EPHA6: variants seen among roughly 807,000 people sequenced by gnomAD.
EPHA6 encodes ephrin type-A receptor 6.
A neutral mutation model predicts 112.0 loss-of-function variants in EPHA6; 50 were observed. The ratio of observed to expected loss-of-function variants is 0.45; its 90% CI spans 0.36 to 0.56. EPHA6 has a LOEUF of 0.56. Among genes scored for constraint, EPHA6 ranks in the 20% least tolerant of loss-of-function variants. EPHA6 has a pLI of 0.00. For missense variants in EPHA6, 1,280 were observed against 1,417.4 expected (o/e 0.90, Z 1.56); for synonymous variants, 529 against 490.7 (o/e 1.08, Z -1.03).
rs1241284917 is a variant in EPHA6, at chr3:97,147,281, C to CA, written c.1115-78982dup. 2.0e-5 allele frequency among the ~76,000 whole-genome samples: 3 copies of CA among 152,090 alleles called. No homozygotes were observed. The East Asian group carries it at 5.8e-4, about 29-fold the overall frequency. On this transcript the variant is annotated intron_variant, in intron 3 of 17. Transcript: ENST00000389672. The stretch of plus-strand genomic sequence containing the variant: ...TTGGGCACATCTAATTTTGTATAGT[C>CA]ATGAATGTCGGCCTTTGGAGGCCTT...
intron 3 of EPHA6, among the ~76,000 whole-genome samples, chr3:97,018,313 G>A (rs1041768426): frequency 6.6e-6 from 1 of 152,014 alleles, no homozygotes; most frequent in Non-Finnish European, 1.5e-5. Context: ...ACGAGAGAGT[G>A]TAGAAATAAA....
At chr3:97,281,172 G>A (rs560656150) in intron 5 of EPHA6, among the ~76,000 whole-genome samples, 16 of 151,402 alleles carry the variant, frequency 1.1e-4, no homozygotes, top group Admixed American at 2.6e-4. Context: ...AGCTATGACC[G>A]GAATTGCAAT....
At chr3:97,037,560 A>T (rs2045149384) in intron 3 of EPHA6, among the ~76,000 whole-genome samples, 1 of 152,088 alleles carries the variant, frequency 6.6e-6, no homozygotes, top group Non-Finnish European at 1.5e-5. Flanking sequence ...GTAAGATCAC[A>T]CAAGATTAAA....
At chr3:97,133,121 C>T (rs2075678374) in intron 3 of EPHA6, among the ~76,000 whole-genome samples, 1 of 152,056 alleles carries the variant, frequency 6.6e-6, no homozygotes, top group South Asian at 2.1e-4. Context: ...TGAGAATTTT[C>T]CGATGAGATA....
chr3:96,976,476 A>G (rs896764860), intron 2 of EPHA6, among the ~76,000 whole-genome samples: 1 of 152,256 alleles, frequency 6.6e-6, no homozygotes, highest in South Asian at 2.1e-4. Flanking sequence ...TGTAGAGGTG[A>G]CAAAGTACTT....
chr3:97,226,352 T>TTC lies in EPHA6; in HGVS notation c.1205_1206dup (p.Val403LeufsTer60). The TTC allele has an allele frequency of 6.2e-7, 1 of 1,613,788 alleles. No homozygotes were observed. Among genetic ancestry groups the TTC allele is most frequent in the Non-Finnish European group, 8.5e-7 (1 of 1,179,734 alleles). ...ACAGTTTAACATACATGGAAGCAAC[T>TTC]TCTGTCTGTCAGTGTGAAAAGGGTT... is the stretch of plus-strand genomic sequence containing the variant. On this transcript the variant is annotated frameshift_variant, in exon 4 of 18. Transcript: ENST00000389672. LOFTEE classifies it high-confidence loss of function.
chr3:97,645,544 T>A (rs1046571307), intron 14 of EPHA6, among the ~76,000 whole-genome samples: 2 of 143,862 alleles, frequency 1.4e-5, no homozygotes, highest in Non-Finnish European at 3.0e-5. Flanking sequence ...AGGGATAGCA[T>A]TGGGAGATAT....
chr3:97,598,140 T>A (rs1409369538), intron 12 of EPHA6, among the ~76,000 whole-genome samples: 1 of 151,866 alleles, frequency 6.6e-6, no homozygotes, highest in Non-Finnish European at 1.5e-5. Context: ...TATTTTTTAT[T>A]TTTTTTATTT....
chr3:97,090,144 G>T (rs1259667975), intron 3 of EPHA6, among the ~76,000 whole-genome samples: 1 of 151,918 alleles, frequency 6.6e-6, no homozygotes, highest in Non-Finnish European at 1.5e-5. Flanking sequence ...CTAGAAAACA[G>T]AATAGAAAAT....
At chr3:97,091,512 A>G (rs2047064524) in intron 3 of EPHA6, among the ~76,000 whole-genome samples, 1 of 152,202 alleles carries the variant, frequency 6.6e-6, no homozygotes, top group Non-Finnish European at 1.5e-5. Context: ...AAGTGTATAC[A>G]GAAGTTCAAA....
chr3:97,532,717 G>C (rs1577684863), intron 11 of EPHA6, among the ~76,000 whole-genome samples, 174 bp downstream of exon 11: 1 of 151,802 alleles, frequency 6.6e-6, no homozygotes, highest in Admixed American at 6.6e-5. Flanking sequence ...AGTTTGCATT[G>C]GTCACCAAAC....
chr3:97,477,645 A>T (rs1299633574), intron 8 of EPHA6, among the ~76,000 whole-genome samples: 1 of 152,212 alleles, frequency 6.6e-6, no homozygotes, highest in Non-Finnish European at 1.5e-5. Flanking sequence ...CTACTTTAGC[A>T]TTGCTACGTG....
At chr3:97,146,861 GT>G (rs976330600) in intron 3 of EPHA6, among the ~76,000 whole-genome samples, 3 of 150,720 alleles carry the variant, frequency 2.0e-5, no homozygotes, top group African/African-American at 7.5e-5. Context: ...ATGCAAAGAT[GT>G]TTAAAAAGAA....
In EPHA6 at chr3:97,303,610, A is replaced by C. The variant is rs2081187894; in HGVS notation, c.1606+59323A>C. 2.6e-5 allele frequency among the ~76,000 whole-genome samples: 4 copies of C among 152,148 alleles called. No individual in the cohort carries two copies. The South Asian group carries it at 8.3e-4, about 32-fold the overall frequency. On this transcript the variant is annotated intron_variant, in intron 5 of 17. Transcript: ENST00000389672. ...TATTGGTACCAGCATAGAGAAATAG[A>C]AAGATTACAGAGAGAAACACAGAAA...
At chr3:96,903,671 A>G (rs1188615826) in intron 2 of EPHA6, among the ~76,000 whole-genome samples, 3 of 152,116 alleles carry the variant, frequency 2.0e-5, no homozygotes, top group Admixed American at 1.3e-4. Context: ...AATCTAGGCA[A>G]CCTACGGAAT....
intron 11 of EPHA6, among the ~76,000 whole-genome samples, chr3:97,585,879 T>TA (rs1228048400): frequency 6.6e-6 from 1 of 152,134 alleles, no homozygotes. Context: ...TGTCATAGGT[T>TA]AAAAAATAGA....
At chr3:97,645,990 T>G in intron 14 of EPHA6, 2 of 578,184 alleles carry the variant, frequency 3.5e-6, no homozygotes, top group East Asian at 3.3e-5. Flanking sequence ...GGGGCAGTTG[T>G]TGGGGAGAGG....
In EPHA6 at chr3:97,044,876, A is replaced by G. The variant is rs565642812; in HGVS notation, c.1114+56883A>G. Among the ~76,000 whole-genome samples, 9 of 152,224 alleles carry G rather than the reference A, an allele frequency of 5.9e-5. No individual in the cohort carries two copies. In the East Asian group the frequency reaches 1.2e-3, roughly 20 times the overall value. On this transcript the variant is annotated intron_variant, in intron 3 of 17. Coordinates refer to ENST00000389672, the MANE Select transcript of EPHA6 (RefSeq NM_001080448.3). ...CTTGGTCACCAACTTTTTTTAAAAC[A>G]AAGTATATGCATTAAGATAAATACA...
intron 5 of EPHA6, among the ~76,000 whole-genome samples, chr3:97,271,583 C>G (rs146616428): frequency 6.6e-6 from 1 of 152,178 alleles, no homozygotes; most frequent in African/African-American, 2.4e-5. Flanking sequence ...GTCTTGAACC[C>G]CTGACCTCAG....
Sources: allele counts gnomAD v4.1 joint callset (sites outside exome capture counted in the v4.1 genomes callset), GRCh38; gene constraint gnomAD v4.1.1; transcripts MANE v1.5; gene names NCBI Gene and HGNC (gene_info 2026-07-23, HGNC 2026-07-21).